The following FBN1 variants were observed in gnomAD, a reference collection of about 807,000 sequenced individuals.
FBN1 encodes fibrillin 1, also known as fibrillin-1.
A neutral mutation model predicts 365.1 loss-of-function variants in FBN1; 29 were observed. That is an observed-to-expected ratio of 0.08 (90% confidence interval 0.06 to 0.11). The LOEUF (loss-of-function observed/expected upper bound fraction) is 0.11. Among genes scored for constraint, FBN1 ranks in the 10% least tolerant of loss-of-function variants. The pLI, the probability that FBN1 is intolerant of heterozygous loss-of-function variation, is 1.00. For missense variants in FBN1, 2,476 were observed against 3,703.2 expected (o/e 0.67, Z 8.60); for synonymous variants, 1,210 against 1,270.5 (o/e 0.95, Z 1.01).
chr15:48,610,504 A>G (rs2044648169), intron 4 of FBN1, among the ~76,000 whole-genome samples: 1 of 152,180 alleles, frequency 6.6e-6, no homozygotes, highest in African/African-American at 2.4e-5. Flanking sequence ...TATACTATTC[A>G]TAGTAACTAT....
In FBN1 at chr15:48,634,555, G is replaced by A. The variant is rs749869364; in HGVS notation, c.164+10051C>T. On this transcript the variant is annotated intron_variant, in intron 2 of 65. Transcript: ENST00000316623. Reference sequence around the variant, plus strand: ...CAGCTCTCTCCTCCTGCTTCCCTCAGGCTTTCTCCTTCCTTCCCCTAACAA... The same window carrying A: ...CAGCTCTCTCCTCCTGCTTCCCTCAAGCTTTCTCCTTCCTTCCCCTAACAA... 2.0e-5 allele frequency among the ~76,000 whole-genome samples: 3 copies of A among 151,876 alleles called. 1 individual carries two copies. The highest frequency in any genetic ancestry group is 4.4e-5 in the Non-Finnish European group (3 of 67,982).
chr15:48,496,742 T>C (rs891693155), intron 19 of FBN1, among the ~76,000 whole-genome samples: 4 of 152,190 alleles, frequency 2.6e-5, no homozygotes, highest in Non-Finnish European at 5.9e-5. Flanking sequence ...GCATTTATGA[T>C]TGTCATGGGG....
chr15:48,448,773 C>T lies in FBN1; in HGVS notation c.5666G>A (p.Cys1889Tyr), dbSNP rs1566899500. Residue 1889 changes from cysteine to tyrosine, a missense_variant, in exon 46 of 66, where the codon TGC becomes TAC. Transcript: ENST00000316623. ...AATAATAATTGCATACTTACCCAAG[C>T]ACATGGTTTGGTCATCATTTGTTTT... Reference protein sequence around the residue: ...GFKTNDDQTMCLDINECERDA... With the variant: ...GFKTNDDQTMYLDINECERDA... 6.2e-7 allele frequency: 1 copy of T among 1,612,552 alleles called. No homozygotes were observed. Among genetic ancestry groups the T allele is most frequent in the Non-Finnish European group, 8.5e-7 (1 of 1,179,060 alleles).
intron 32 of FBN1, among the ~76,000 whole-genome samples, chr15:48,475,470 G>T (rs1264505915): frequency 1.3e-5 from 2 of 152,078 alleles, no homozygotes; most frequent in Non-Finnish European, 2.9e-5. Context: ...TTACAGAAAA[G>T]AACATAAAGT....
chr15:48,511,620 C>T (rs1272268983), intron 13 of FBN1, among the ~76,000 whole-genome samples: 4 of 152,206 alleles, frequency 2.6e-5, no homozygotes, highest in Admixed American at 6.5e-5. Context: ...CCCTTCTACT[C>T]GGCCCCTCAC....
intron 6 of FBN1, among the ~76,000 whole-genome samples, chr15:48,539,234 C>A (rs2044037937): frequency 6.6e-6 from 1 of 152,214 alleles, no homozygotes; most frequent in African/African-American, 2.4e-5. Context: ...CTGCAATGAA[C>A]CACCTCTGTT....
At chr15:48,563,421 CAGGCAGGGAGG>C (rs2044238731) in intron 6 of FBN1, among the ~76,000 whole-genome samples, 1 of 151,966 alleles carries the variant, frequency 6.6e-6, no homozygotes, top group Non-Finnish European at 1.5e-5. Flanking sequence ...CTGCAGGGAG[CAGGCAGGGAGG>C]AGGGAAAAAA....
chr15:48,452,538 T>C (rs1296043027), intron 45 of FBN1, 24 bp downstream of exon 45: 2 of 1,613,946 alleles, frequency 1.2e-6, no homozygotes, highest in Admixed American at 1.7e-5. Flanking sequence ...GGTAGGCATG[T>C]CCAGCCTGTG....
intron 35 of FBN1, among the ~76,000 whole-genome samples, chr15:48,471,997 G>C (rs2043380171): frequency 6.6e-6 from 1 of 152,142 alleles, no homozygotes; most frequent in Non-Finnish European, 1.5e-5. Context: ...GTCCCCTATT[G>C]AACAGATTTG....
intron 55 of FBN1, among the ~76,000 whole-genome samples, chr15:48,431,742 C>T (rs1597521535): frequency 6.6e-6 from 1 of 152,080 alleles, no homozygotes; most frequent in East Asian, 1.9e-4. Context: ...GCAACCTCCA[C>T]CTCCGGGGTT....
At chr15:48,569,930 C>T (rs1022170163) in intron 6 of FBN1, among the ~76,000 whole-genome samples, 1 of 151,910 alleles carries the variant, frequency 6.6e-6, no homozygotes. Flanking sequence ...GAATTATACA[C>T]TTAAGATGGG....
rs983156723 is a variant in FBN1 at position 48,462,280 on chromosome 15, G to A, written c.5224+802C>T. On this transcript the variant is annotated intron_variant, in intron 42 of 65. Transcript: ENST00000316623. ...ATGATGTCATCATCATATACATAAT[G>A]CACAGCATATACCATATGATATAAG... is the stretch of plus-strand genomic sequence containing the variant. Among the ~76,000 whole-genome samples, 4 of 151,936 alleles carry A rather than the reference G, an allele frequency of 2.6e-5. No individual in the cohort carries two copies. The South Asian group carries it at 8.3e-4, about 31-fold the overall frequency.
At chr15:48,438,612 T>A (rs1467417553) in intron 50 of FBN1, among the ~76,000 whole-genome samples, 3 of 151,696 alleles carry the variant, frequency 2.0e-5, no homozygotes, top group African/African-American at 7.3e-5. Context: ...GAAGCTTGTT[T>A]AGCTCAACAC....
At chr15:48,589,044 G>T (rs571260437) in intron 6 of FBN1, among the ~76,000 whole-genome samples, 18 of 152,300 alleles carry the variant, frequency 1.2e-4, no homozygotes, top group African/African-American at 4.3e-4. Flanking sequence ...AATGTTTTCT[G>T]CCAACAAGCT....
intron 4 of FBN1, among the ~76,000 whole-genome samples, chr15:48,603,438 C>T (rs1355312415): frequency 2.0e-5 from 3 of 152,174 alleles, no homozygotes; most frequent in Admixed American, 6.5e-5. Flanking sequence ...GGAGCAGTCG[C>T]TCAGGATTTC....
chr15:48,496,036 G>T, intron 20 of FBN1, 64 bp downstream of exon 20: 1 of 1,598,650 alleles, frequency 6.3e-7, no homozygotes, highest in Non-Finnish European at 8.6e-7. Flanking sequence ...TCAGTCTTAT[G>T]GTTTTCTAAT....
At chr15:48,487,975 C>T (rs1003591226) in intron 27 of FBN1, 138 bp downstream of exon 27, 3 of 1,135,184 alleles carry the variant, frequency 2.6e-6, no homozygotes, top group Non-Finnish European at 4.0e-6. Flanking sequence ...CTACCTCAGT[C>T]TCCCTCTGTT....
intron 2 of FBN1, among the ~76,000 whole-genome samples, chr15:48,620,315 C>T (rs1889743076): frequency 6.6e-6 from 1 of 152,198 alleles, no homozygotes; most frequent in African/African-American, 2.4e-5. Flanking sequence ...CACCATAGTT[C>T]CATCAGCCTC....
rs1363357978 is a variant in FBN1, at chr15:48,465,804, G to T, written c.4802C>A (p.Thr1601Asn). 1 of 1,613,604 alleles carries T rather than the reference G, an allele frequency of 6.2e-7. No homozygotes were observed. Among genetic ancestry groups the T allele is most frequent in the Non-Finnish European group, 8.5e-7 (1 of 1,179,644 alleles). ...GGEGFRPNPI[T>N]VILEDIDECQ... ...AACACAATTACCTTCCAATATAACG[G>T]TGATAGGATTTGGTCGGAAACCTTC... is the stretch of plus-strand genomic sequence containing the variant. Residue 1601 changes from threonine (T) to asparagine (N), a missense_variant, in exon 39 of 66, where the codon ACC (threonine) becomes AAC (asparagine). Physicochemically the swap from Thr to Asn is moderately conservative, Grantham distance 65. Around this residue, in one of 5 missense-constraint regions of FBN1, gnomAD observed 1,780 missense variants for 2,840.8 expected, o/e 0.63. Transcript: ENST00000316623.
Sources: gnomAD v4.1 joint callset for allele counts (sites outside exome capture counted in the v4.1 genomes callset) on GRCh38, gnomAD v4.1.1 for gene constraint, gnomAD v4.1.1 regional missense constraint, MANE v1.5 for transcripts, NCBI Gene and HGNC (gene_info 2026-07-23, HGNC 2026-07-21) for gene names.